The following NBPF19 variants were observed in gnomAD, a reference collection of about 807,000 sequenced individuals.
NBPF19 encodes the protein NBPF family member NBPF19.
In NBPF19, 30 loss-of-function variants were observed where a neutral mutation model predicts 45.9. The ratio of observed to expected loss-of-function variants is 0.65; its 90% CI spans 0.49 to 0.89. The LOEUF is 0.89. Ranked by LOEUF, NBPF19 falls within the 40% of genes least tolerant of loss-of-function variation. The pLI, the probability that NBPF19 is intolerant of heterozygous loss-of-function variation, is 0.00. For missense variants in NBPF19, 495 were observed against 471.8 expected (o/e 1.05, Z -0.46); for synonymous variants, 183 against 181.2 (o/e 1.01, Z -0.08).
intron 2 of NBPF19, among the ~76,000 whole-genome samples, chr1:149,477,567 C>T (rs1326489761): frequency 7.9e-5 from 12 of 151,140 alleles, no homozygotes; most frequent in African/African-American, 2.7e-4. Flanking sequence ...TAGGGGCCTT[C>T]CCGACTGTAC....
At chr1:149,487,661 A>C (rs1216438963) in intron 9 of NBPF19, among the ~76,000 whole-genome samples, 1 of 150,080 alleles carries the variant, frequency 6.7e-6, no homozygotes, top group South Asian at 2.1e-4. Flanking sequence ...ATGCAAAATT[A>C]TTGAGGACAT....
In NBPF19 at chr1:149,516,441, T is replaced by A. The variant is rs1230375918; in HGVS notation, c.5433-123T>A. On this transcript the variant is annotated intron_variant, in intron 45 of 93. Transcript: ENST00000651566. ...AACATAAAGGCAATAATTTGTTCCC[T>A]CATTAATGGATCTGTCCTTTTTCTT... is the stretch of plus-strand genomic sequence containing the variant. The A allele has an allele frequency of 1.2e-5, 6 of 503,258 alleles. 2 individuals carry two copies. The highest frequency in any genetic ancestry group is 2.1e-5 in the Non-Finnish European group (6 of 282,626). The allele number at this position is 503,258 out of a possible 1,614,324, so 31.2% of individuals were successfully genotyped here. A position where few individuals can be genotyped will look rare whatever the true frequency, so the allele number is the denominator to read the frequency against.
Position 149,554,612 on chromosome 1 carries a change from A to T in NBPF19, c.11406A>T (p.Arg3802Ser). Residue 3802 changes from arginine (R) to serine (S), a missense_variant, in exon 94 of 94, where the codon AGA becomes AGT. By Grantham distance (110) the Arg-to-Ser change is moderately radical. Around this residue, in one of 8 missense-constraint regions of NBPF19, gnomAD observed 248 missense variants for 95.4 expected, o/e 2.60. Transcript: ENST00000651566. ...TACCTGACTCATTCCAGCACTACAGAAGTGTGTTTTACTCATTTGAGGAAG... is the reference window on the plus strand; with the variant it reads ...TACCTGACTCATTCCAGCACTACAGTAGTGTGTTTTACTCATTTGAGGAAG... ...FELPDSFQHY[R>S]SVFYSFEEEH... 6.2e-7 allele frequency: 1 copy of T among 1,608,300 alleles called. No homozygotes were observed. The highest frequency in any genetic ancestry group is 8.5e-7 in the Non-Finnish European group (1 of 1,176,780).
In NBPF19 at chr1:149,554,786, T is replaced by A; in HGVS notation, c.*48T>A. The A allele has an allele frequency of 1.9e-6, 3 of 1,606,284 alleles. No individual in the cohort carries two copies. The highest frequency in any genetic ancestry group is 2.6e-6 in the Non-Finnish European group (3 of 1,175,146). ...ATGTCATTCCTGCAGGCAGGACCTA[T>A]AGGCACGTGAAGATTTGAATGAAAC... is the stretch of plus-strand genomic sequence containing the variant. On this transcript the variant is annotated 3_prime_UTR_variant, in exon 94 of 94. Coordinates refer to ENST00000651566, the MANE Select transcript of NBPF19 (RefSeq NM_001351365.2).
At chr1:149,487,067 A>C (rs2085566394) in intron 8 of NBPF19, among the ~76,000 whole-genome samples, 1 of 150,744 alleles carries the variant, frequency 6.6e-6, no homozygotes, top group South Asian at 2.1e-4. Context: ...ATTGGGGAAA[A>C]ATTGCTCATT....
intron 49 of NBPF19, among the ~76,000 whole-genome samples, chr1:149,519,445 C>CTGTG (rs374862187): frequency 0.09 from 951 of 10,562 alleles, 70 homozygotes; most frequent in Non-Finnish European, 0.13. Context: ...CTCTCTCTCT[C>CTGTG]TGTGTGTGTG....
rs1163443457 is a variant in NBPF19, at chr1:149,555,133, C to G, written c.*395C>G. On this transcript the variant is annotated 3_prime_UTR_variant, in exon 94 of 94. Coordinates refer to ENST00000651566, the MANE Select transcript of NBPF19 (RefSeq NM_001351365.2). ...AAGGTGTTACCCTGGTTTCAATGAA[C>G]CTAACCTCATTCTTTGTGTCTTCAG... The G allele has an allele frequency of 3.7e-6, 1 of 267,724 alleles. No homozygotes were observed. The highest frequency in any genetic ancestry group is 5.0e-5 in the Admixed American group (1 of 19,876). 16.6% of individuals were successfully genotyped at this position (267,724 alleles called of 1,614,324 possible). A position where few individuals can be genotyped will look rare whatever the true frequency, so the allele number is the denominator to read the frequency against.
At chr1:149,483,903 T>C (rs1467158533) in intron 7 of NBPF19, among the ~76,000 whole-genome samples, 11 of 25,844 alleles carry the variant, frequency 4.3e-4, no homozygotes, top group Non-Finnish European at 8.0e-4. Flanking sequence ...TTGGTGGGAC[T>C]GTAAACTAGT....
At chr1:149,554,430 T>G (rs1377356865) in intron 93 of NBPF19, 65 bp from the exon 94 acceptor site, 2 of 1,607,704 alleles carry the variant, frequency 1.2e-6, no homozygotes, top group African/African-American at 2.7e-5. Context: ...ACTTCTGAAA[T>G]CTAGTGGGGC....
intron 9 of NBPF19, among the ~76,000 whole-genome samples, chr1:149,487,723 G>A (rs1170606931): frequency 1.3e-5 from 2 of 149,304 alleles, no homozygotes; most frequent in Non-Finnish European, 3.0e-5. Context: ...AATACAGAGT[G>A]TCCTTTGACT....
At chr1:149,484,306 A>G (rs1290724254) in intron 7 of NBPF19, among the ~76,000 whole-genome samples, 3 of 94,280 alleles carry the variant, frequency 3.2e-5, no homozygotes, top group Non-Finnish European at 5.9e-5. Flanking sequence ...ATGAGAACAC[A>G]TGGACACAGA....
At chr1:149,554,114 C>T (rs1419158173) in intron 93 of NBPF19, among the ~76,000 whole-genome samples, 1 of 137,548 alleles carries the variant, frequency 7.3e-6, no homozygotes, top group Non-Finnish European at 1.6e-5. Context: ...ACTCTCATGG[C>T]CACTGCATCG....
intron 17 of NBPF19, among the ~76,000 whole-genome samples, 189 bp from the exon 18 acceptor site, chr1:149,494,129 T>C (rs1421802510): frequency 1.5e-5 from 2 of 134,110 alleles, no homozygotes; most frequent in Admixed American, 7.4e-5. Flanking sequence ...CCTCTCCCTG[T>C]CTTTCTCTTT....
chr1:149,512,368 GC>G, intron 40 of NBPF19, among the ~76,000 whole-genome samples: 1 of 89,780 alleles, frequency 1.1e-5, no homozygotes, highest in Admixed American at 1.1e-4. Flanking sequence ...ATGAGACAGG[GC>G]TGAATAGTGC....
At chr1:149,485,592 CT>C (rs1204214617) in intron 7 of NBPF19, among the ~76,000 whole-genome samples, 1 of 65,298 alleles carries the variant, frequency 1.5e-5, no homozygotes, top group African/African-American at 6.0e-5. Flanking sequence ...GTTGCCTATT[CT>C]CTCCCATGTG....
chr1:149,483,640 G>C (rs1236758226), intron 7 of NBPF19, among the ~76,000 whole-genome samples: 2 of 148,416 alleles, frequency 1.3e-5, no homozygotes, highest in Non-Finnish European at 3.0e-5. Flanking sequence ...GGTCTTTACA[G>C]TTTGGCATGT....
chr1:149,487,979 C>A lies in NBPF19; in HGVS notation c.1041-34C>A, dbSNP rs1466920842. On this transcript the variant is annotated intron_variant, in intron 9 of 93. Coordinates refer to ENST00000651566, the MANE Select transcript of NBPF19 (RefSeq NM_001351365.2). ...GGGGCTGTGTGGTTTCTGATTCCCC[C>A]TGGCTTATTCTTTACTTTTTCCCAC... is the stretch of plus-strand genomic sequence containing the variant. The A allele has an allele frequency of 2.2e-5, 15 of 692,536 alleles. No individual in the cohort carries two copies. The East Asian group carries it at 3.8e-4, about 18-fold the overall frequency. 42.9% of individuals were successfully genotyped at this position (692,536 alleles called of 1,614,324 possible). A position where few individuals can be genotyped will look rare whatever the true frequency, so the allele number is the denominator to read the frequency against.
In NBPF19 at chr1:149,556,314, T is replaced by G. The variant is rs1360699686; in HGVS notation, c.*1576T>G. 4 of 149,882 alleles carry G rather than the reference T, an allele frequency of 2.7e-5. No homozygotes were observed. The highest frequency in any genetic ancestry group is 9.8e-5 in the African/African-American group (4 of 40,780). The allele number at this position is 149,882 out of a possible 1,614,324, so 9.3% of individuals were successfully genotyped here. A position where few individuals can be genotyped will look rare whatever the true frequency, so the allele number is the denominator to read the frequency against. On this transcript the variant is annotated 3_prime_UTR_variant, in exon 94 of 94. Coordinates refer to ENST00000651566, the MANE Select transcript of NBPF19 (RefSeq NM_001351365.2). Reference sequence around the variant, plus strand: ...TGTTATAATATTTGATTATGCTGATTGGTTTTGGTGGGTACTGATGTGAAT... The same window carrying G: ...TGTTATAATATTTGATTATGCTGATGGGTTTTGGTGGGTACTGATGTGAAT...
In NBPF19 at chr1:149,491,126, C is replaced by G; in HGVS notation, c.1491-13C>G. On this transcript the variant is annotated splice_polypyrimidine_tract_variant and intron_variant, in intron 13 of 93. Transcript: ENST00000651566. ...TCCCCTGGCTTATTCTTTACTTTTT[C>G]CTCCTTTTCCAGGCTCAGCAGGGAG... The G allele has an allele frequency of 4.1e-6, 1 of 246,444 alleles. No individual in the cohort carries two copies. The highest frequency in any genetic ancestry group is 7.0e-6 in the Non-Finnish European group (1 of 143,288). 15.3% of individuals were successfully genotyped at this position (246,444 alleles called of 1,614,324 possible). A position where few individuals can be genotyped will look rare whatever the true frequency, so the allele number is the denominator to read the frequency against.
Sources: gnomAD v4.1 joint callset for allele counts (sites outside exome capture counted in the v4.1 genomes callset) on GRCh38, gnomAD v4.1.1 for gene constraint, gnomAD v4.1.1 regional missense constraint, MANE v1.5 for transcripts, NCBI Gene and HGNC (gene_info 2026-07-23, HGNC 2026-07-21) for gene names.